The following ACP2 variants were observed in gnomAD, a reference collection of about 807,000 sequenced individuals.
The protein encoded by ACP2 is lysosomal acid phosphatase.
Under a neutral mutation model 54.7 loss-of-function variants are expected in ACP2, and 35 were observed. The observed-to-expected ratio is 0.64, with a 90% CI of 0.49 to 0.85. The LOEUF is 0.85. Ranked by LOEUF, ACP2 falls within the 40% of genes least tolerant of loss-of-function variation. ACP2 has a pLI of 0.00. For missense variants in ACP2, 492 were observed against 565.0 expected (o/e 0.87, Z 1.31); for synonymous variants, 210 against 224.4 (o/e 0.94, Z 0.57).
Position 47,245,766 on chromosome 11 carries a change from G to A in ACP2, c.366C>T (p.Phe122=), listed in dbSNP as rs1312477744. 2.5e-6 allele frequency: 4 copies of A among 1,613,000 alleles called. No individual in the cohort carries two copies. Among genetic ancestry groups the A allele is most frequent in the East Asian group, 4.5e-5 (2 of 44,860 alleles). ...TGAAGCGCTGCATCCCGTTGGGAGGGAAGAGTCCAGCCAGGTTGGCCTCAG... is the reference window on the plus strand; with the variant it reads ...TGAAGCGCTGCATCCCGTTGGGAGGAAAGAGTCCAGCCAGGTTGGCCTCAG... The part of the protein sequence containing the change: ...MSAEANLAGL[F]PPNGMQRFNP... The change falls in exon 4 of 11, where the codon TTC becomes TTT. Residue 122 remains phenylalanine, a synonymous_variant. Transcript: ENST00000672073.
chr11:47,243,952 CAT>C (rs1411522504), intron 7 of ACP2, among the ~76,000 whole-genome samples: 2 of 152,146 alleles, frequency 1.3e-5, no homozygotes, highest in South Asian at 2.1e-4. Context: ...GCCTGGCCAA[CAT>C]AGTGAAACCC....
chr11:47,245,789 C>A lies in ACP2; in HGVS notation c.343G>T (p.Glu115Ter). ...GGGAAGAGTCCAGCCAGGTTGGCCTCAGCACTCATGAGAGTCCGGTCAAAG... is the reference window on the plus strand; with the variant it reads ...GGGAAGAGTCCAGCCAGGTTGGCCTAAGCACTCATGAGAGTCCGGTCAAAG... Reference protein sequence around the residue: ...TDFDRTLMSAEANLAGLFPPN... With the variant: ...TDFDRTLMSA The change falls in exon 4 of 11, where the codon GAG becomes TAG. Residue 115 changes from glutamate to a stop codon, truncating the protein, a stop_gained. Transcript: ENST00000672073. LOFTEE classifies it high-confidence loss of function. The A allele has an allele frequency of 6.2e-7, 1 of 1,606,262 alleles. No homozygotes were observed.
At position 47,239,702 on chromosome 11, in the gene ACP2, C is replaced by G. The variant is rs1209722093; in HGVS notation, c.*414G>C. On this transcript the variant is annotated 3_prime_UTR_variant, in exon 11 of 11. Transcript: ENST00000672073. The stretch of plus-strand genomic sequence containing the variant: ...TCCCACTAAAATAAGCACTGAGAGG[C>G]AAGACCGTGTCCCTCTGAGCTATTT... The G allele has an allele frequency of 6.1e-6, 1 of 164,754 alleles. No homozygotes were observed. The highest frequency in any genetic ancestry group is 2.4e-5 in the African/African-American group (1 of 41,836). 10.2% of individuals were successfully genotyped at this position (164,754 alleles called of 1,614,324 possible).
rs1422639127 is a variant in ACP2, at chr11:47,240,237, G to T, written c.1151C>A (p.Ala384Asp). 2.0e-6 allele frequency: 3 copies of T among 1,530,394 alleles called. No homozygotes were observed. Among genetic ancestry groups the T allele is most frequent in the East Asian group, 2.2e-5 (1 of 44,450 alleles). The allele number at this position is 1,530,394 out of a possible 1,614,324, so 94.8% of individuals were successfully genotyped here. A position where few individuals can be genotyped will look rare whatever the true frequency, so the allele number is the denominator to read the frequency against. Residue 384 changes from alanine (A) to aspartate (D), a missense_variant, in exon 11 of 11, where the codon GCC becomes GAC. Transcript: ENST00000672073. The stretch of plus-strand genomic sequence containing the variant: ...GAGGATGGAGCCACATACAGCCAAG[G>T]CCACAATCACCTCTGGGCATGGGGG... ...SGPADTEVIV[A>D]LAVCGSILFL...
In ACP2 at chr11:47,243,083, GA is replaced by G; in HGVS notation, c.896del (p.Val299AlafsTer83). ...TLVALQMALD[V>X]YNGEQAPYAS... ...CGTAGGGGGCTTGTTCACCATTGTAGACATCCAGTGCCATTTGCAGGGCAAC... is the reference window on the plus strand; with the variant it reads ...CGTAGGGGGCTTGTTCACCATTGTAGCATCCAGTGCCATTTGCAGGGCAAC... On this transcript the variant is annotated frameshift_variant, in exon 9 of 11. Coordinates refer to ENST00000672073, the MANE Select transcript of ACP2 (RefSeq NM_001610.4). LOFTEE classifies it high-confidence loss of function. 1.9e-6 allele frequency: 3 copies of G among 1,614,252 alleles called. No individual in the cohort carries two copies. The African/African-American group carries it at 4.0e-5, about 22-fold the overall frequency.
Position 47,248,761 on chromosome 11 carries a change from C to G in ACP2, c.29G>C (p.Arg10Pro). The change falls in exon 1 of 11, where the codon CGG (arginine) becomes CCG (proline). Residue 10 changes from arginine to proline, a missense_variant. By Grantham distance (103) the Arg-to-Pro change is moderately radical. Transcript: ENST00000672073. MAGKRSGWS[R>P]AALLQLLLGV... ...GAGAAGGAGCTGGAGGAGAGCCGCC[C>G]GGCTCCAGCCGGACCGCTTGCCCGC... 1 of 1,601,008 alleles carries G rather than the reference C, an allele frequency of 6.2e-7. No individual in the cohort carries two copies. The highest frequency in any genetic ancestry group is 8.5e-7 in the Non-Finnish European group (1 of 1,174,056).
chr11:47,240,641 GAA>G (rs1389062186), intron 10 of ACP2, among the ~76,000 whole-genome samples: 10 of 152,166 alleles, frequency 6.6e-5, no homozygotes. Flanking sequence ...CCAACGTGGT[GAA>G]ATGCCGTCTC....
chr11:47,239,989 G>A lies in ACP2; in HGVS notation c.*127C>T. The A allele has an allele frequency of 1.0e-6, 1 of 1,000,882 alleles. No individual in the cohort carries two copies. The highest frequency in any genetic ancestry group is 1.5e-6 in the Non-Finnish European group (1 of 681,378). 62.0% of individuals were successfully genotyped at this position (1,000,882 alleles called of 1,614,324 possible). ...CACGCTGAGCCCCACTCGCTCATCT[G>A]GCTGGGGTCATCAGAGGGAGGCCCA... On this transcript the variant is annotated 3_prime_UTR_variant, in exon 11 of 11. Transcript: ENST00000672073.
intron 10 of ACP2, among the ~76,000 whole-genome samples, chr11:47,241,605 G>A (rs1483078067): frequency 2.0e-5 from 3 of 152,170 alleles, no homozygotes; most frequent in African/African-American, 4.8e-5. Flanking sequence ...CTTTTCATTC[G>A]GTCAGGCAAG....
rs998259629 is a variant in ACP2, at chr11:47,245,284, TG to T, written c.639+20del. On this transcript the variant is annotated intron_variant, in intron 6 of 10. Transcript: ENST00000672073. ...CTGAGAGGGAAAAGAATGATCACAG[TG>T]GGCACCCTAGTGGGCTCACCTCACA... The T allele has an allele frequency of 2.5e-6, 4 of 1,611,230 alleles. No homozygotes were observed. The highest frequency in any genetic ancestry group is 3.4e-6 in the Non-Finnish European group (4 of 1,177,416).
At position 47,248,758 on chromosome 11, in the gene ACP2, G is replaced by A. The variant is rs766522083; in HGVS notation, c.32C>T (p.Ala11Val). The change falls in exon 1 of 11, where the codon GCG (alanine) becomes GTG (valine). Residue 11 changes from alanine to valine, a missense_variant. Coordinates refer to ENST00000672073, the MANE Select transcript of ACP2 (RefSeq NM_001610.4). Reference protein sequence around the residue: MAGKRSGWSRAALLQLLLGVN... With the variant: MAGKRSGWSRVALLQLLLGVN... ...GCCGAGAAGGAGCTGGAGGAGAGCC[G>A]CCCGGCTCCAGCCGGACCGCTTGCC... The A allele has an allele frequency of 3.1e-6, 5 of 1,603,416 alleles. No individual in the cohort carries two copies. Among genetic ancestry groups the A allele is most frequent in the Non-Finnish European group, 4.3e-6 (5 of 1,175,322 alleles).
chr11:47,245,397 A>G lies in ACP2; in HGVS notation c.550-3T>C. ...TTGGCCACCATGTCCAGAAATTGCT[A>G]TGAAAAATGGATCAGGGTCTCAGTC... is the stretch of plus-strand genomic sequence containing the variant. On this transcript the variant is annotated splice_region_variant and splice_polypyrimidine_tract_variant and intron_variant, in intron 5 of 10. Coordinates refer to ENST00000672073, the MANE Select transcript of ACP2 (RefSeq NM_001610.4). 2 of 1,614,172 alleles carry G rather than the reference A, an allele frequency of 1.2e-6. No homozygotes were observed. The highest frequency in any genetic ancestry group is 1.7e-6 in the Non-Finnish European group (2 of 1,180,028).
chr11:47,245,164 A>C (rs1954018943), intron 6 of ACP2, 141 bp downstream of exon 6: 1 of 1,007,480 alleles, frequency 9.9e-7, no homozygotes, highest in East Asian at 2.4e-5. Flanking sequence ...CCATGAGGGA[A>C]GTTCCCGTGT....
At chr11:47,246,993 T>C (rs1221814276) in intron 3 of ACP2, among the ~76,000 whole-genome samples, 3 of 151,870 alleles carry the variant, frequency 2.0e-5, no homozygotes, top group African/African-American at 4.8e-5. Flanking sequence ...ACAATAACAA[T>C]GTCTATGGAT....
rs776836309 is a variant in ACP2 at position 47,248,067 on chromosome 11, ATTC to A, written c.178_180del (p.Glu60del). 4.3e-6 allele frequency: 7 copies of A among 1,610,472 alleles called. No individual in the cohort carries two copies. The East Asian group carries it at 6.7e-5, about 15-fold the overall frequency. On this transcript the variant is annotated inframe_deletion, in exon 2 of 11. Coordinates refer to ENST00000672073, the MANE Select transcript of ACP2 (RefSeq NM_001610.4). ...GTTAACTGACCAAACCCCTGGGGCC[ATTC>A]TTCTTCCTGATAGGGGTCCTTGGGA...
At position 47,244,930 on chromosome 11, in the gene ACP2, C is replaced by T; in HGVS notation, c.640-63G>A. The T allele has an allele frequency of 2.0e-6, 3 of 1,515,266 alleles. No homozygotes were observed. In the South Asian group the frequency reaches 3.8e-5, roughly 19 times the overall value. 93.9% of individuals were successfully genotyped at this position (1,515,266 alleles called of 1,614,324 possible). On this transcript the variant is annotated intron_variant, in intron 6 of 10. Transcript: ENST00000672073. ...AGGCCAGCCTCTCCAGGGGGCAGCT[C>T]TCTTCCCTAGTGGGAAGGTGCCTGT...
chr11:47,244,084 C>T (rs1285832601), intron 7 of ACP2, among the ~76,000 whole-genome samples: 2 of 152,022 alleles, frequency 1.3e-5, no homozygotes, highest in Non-Finnish European at 2.9e-5. Flanking sequence ...CTGCAATGAG[C>T]CGAGATCGTG....
chr11:47,245,250 C>T (rs1013575677), intron 6 of ACP2, 55 bp downstream of exon 6: 2 of 1,574,662 alleles, frequency 1.3e-6, no homozygotes, highest in Admixed American at 1.7e-5. Flanking sequence ...TCCTGGTGAC[C>T]TGGGCCTGCT....
intron 7 of ACP2, among the ~76,000 whole-genome samples, chr11:47,243,555 ATGTAGAAACCTGCC>A (rs1287943503): frequency 6.6e-6 from 1 of 152,214 alleles, no homozygotes; most frequent in African/African-American, 2.4e-5. Flanking sequence ...TTCAACACGG[ATGTAGAAACCTGCC>A]TGTGTTTACA....
Sources: gnomAD v4.1 joint callset for allele counts (sites outside exome capture counted in the v4.1 genomes callset) on GRCh38, gnomAD v4.1.1 for gene constraint, MANE v1.5 for transcripts, NCBI Gene and HGNC (gene_info 2026-07-23, HGNC 2026-07-21) for gene names.